Variants in POLR2G observed in about 807,000 individuals in gnomAD.
POLR2G encodes the protein RNA polymerase II subunit G.
POLR2G carries 19 observed loss-of-function variants against 25.7 expected under a neutral mutation model. The ratio of observed to expected loss-of-function variants is 0.74; its 90% CI spans 0.52 to 1.08. The LOEUF (loss-of-function observed/expected upper bound fraction) is 1.08, where lower values mean the gene tolerates loss of function less well. Among genes scored for constraint, POLR2G ranks in the 50% least tolerant of loss-of-function variants. The probability of loss-of-function intolerance (pLI) is 0.00; values close to 1 mark genes in which losing one functional copy is unlikely to be tolerated. For synonymous variants in POLR2G, 79 were observed against 76.0 expected (o/e 1.04, Z -0.21); for missense variants, 123 against 218.5 (o/e 0.56, Z 2.76).
intron 3 of POLR2G, 116 bp downstream of exon 3, chr11:62,763,142 T>C (rs2084097343): frequency 3.2e-6 from 2 of 629,630 alleles, no homozygotes; most frequent in Non-Finnish European, 5.0e-6. Flanking sequence ...TTTTTTTTTT[T>C]TTTTTTTTTT....
At chr11:62,765,125 G>T in intron 3 of POLR2G, 57 bp from the exon 4 acceptor site, 1 of 1,506,728 alleles carries the variant, frequency 6.6e-7, no homozygotes, top group Non-Finnish European at 9.2e-7. Context: ...CCAAAGTGCT[G>T]GGATTACAGG....
At position 62,765,724 on chromosome 11, in the gene POLR2G, T is replaced by C. The variant is rs768038153; in HGVS notation, c.471T>C (p.Ile157=). ...GGACCCGTGTGGACAAGAATGACAT[T>C]GTGAGTCTTTTCCCCACCTCTCTAC... ...IVGTRVDKND[I]FAIGSLMDDY... The change falls in exon 6 of 8, where the codon ATT becomes ATC. Residue 157 remains isoleucine, a splice_region_variant and synonymous_variant. Coordinates refer to ENST00000301788, the MANE Select transcript of POLR2G (RefSeq NM_002696.3). 2.5e-6 allele frequency: 4 copies of C among 1,580,934 alleles called. No individual in the cohort carries two copies. Among genetic ancestry groups the C allele is most frequent in the South Asian group, 2.2e-5 (2 of 90,410 alleles).
At chr11:62,764,336 G>A (rs562021134) in intron 3 of POLR2G, among the ~76,000 whole-genome samples, 3 of 151,992 alleles carry the variant, frequency 2.0e-5, no homozygotes, top group East Asian at 3.9e-4. Flanking sequence ...TGGCATGTGC[G>A]TGTAGTCCCT....
Position 62,761,785 on chromosome 11 carries a change from T to C in POLR2G, c.13-10T>C, listed in dbSNP as rs2084090193. 3 of 1,613,456 alleles carry C rather than the reference T, an allele frequency of 1.9e-6. No individual in the cohort carries two copies. The highest frequency in any genetic ancestry group is 2.5e-6 in the Non-Finnish European group (3 of 1,179,542). Reference sequence around the variant, plus strand: ...GCCTGGCCTGGTCGCCATCCCACTTTTCTCCGCAGATCTCCCTAGAGCACG... The same window carrying C: ...GCCTGGCCTGGTCGCCATCCCACTTCTCTCCGCAGATCTCCCTAGAGCACG... On this transcript the variant is annotated splice_polypyrimidine_tract_variant and intron_variant, in intron 1 of 7. Transcript: ENST00000301788.
intron 6 of POLR2G, 41 bp downstream of exon 6, chr11:62,765,765 C>G (rs2084112571): frequency 6.1e-6 from 7 of 1,150,050 alleles, no homozygotes; most frequent in South Asian, 1.3e-5. Context: ...CCAGGTTGAG[C>G]TGAGAACTGT....
At chr11:62,765,822 C>A in intron 6 of POLR2G, 98 bp downstream of exon 6, 3 of 753,926 alleles carry the variant, frequency 4.0e-6, no homozygotes, top group Admixed American at 2.3e-5. Context: ...GAGTCTTGCT[C>A]TGTCACCCAG....
intron 5 of POLR2G, 78 bp from the exon 6 acceptor site, chr11:62,765,575 G>A (rs544601091): frequency 1.6e-5 from 18 of 1,148,956 alleles, no homozygotes; most frequent in African/African-American, 9.1e-5. Flanking sequence ...ATATGCCCCC[G>A]GGCTTACAGT....
intron 2 of POLR2G, 76 bp downstream of exon 2, chr11:62,761,980 CT>C (rs1169724437): frequency 1.9e-6 from 2 of 1,061,188 alleles, no homozygotes; most frequent in Non-Finnish European, 2.9e-6. Flanking sequence ...CCCTCCCCAA[CT>C]CCTACTCGTC....
Position 62,766,556 on chromosome 11 carries a change from ACAC to A in POLR2G, c.*50_*52del. On this transcript the variant is annotated 3_prime_UTR_variant, in exon 8 of 8. Transcript: ENST00000301788. The stretch of plus-strand genomic sequence containing the variant: ...TCCTACTCTAGGAAGTGTGATTGTC[ACAC>A]TTATCATGTTGTCCAGAGGTCCAGT... 1 of 1,580,302 alleles carries A rather than the reference ACAC, an allele frequency of 6.3e-7. No homozygotes were observed. The highest frequency in any genetic ancestry group is 1.1e-5 in the South Asian group (1 of 90,336).
At position 62,763,038 on chromosome 11, in the gene POLR2G, C is replaced by T. The variant is rs2084096453; in HGVS notation, c.282+12C>T. 2 of 1,563,764 alleles carry T rather than the reference C, an allele frequency of 1.3e-6. No homozygotes were observed. Among genetic ancestry groups the T allele is most frequent in the South Asian group, 2.3e-5 (2 of 86,754 alleles). On this transcript the variant is annotated intron_variant, in intron 3 of 7. Coordinates refer to ENST00000301788, the MANE Select transcript of POLR2G (RefSeq NM_002696.3). ...CTCAGGTCAACAAGGTGAGACCATA[C>T]ATAGGGGAGGCAGTGGGGTAGTCTC...
rs1288002094 is a variant in POLR2G at position 62,766,563 on chromosome 11, T to C, written c.*56T>C. ...CTAGGAAGTGTGATTGTCACACTTA[T>C]CATGTTGTCCAGAGGTCCAGTCTGG... is the stretch of plus-strand genomic sequence containing the variant. On this transcript the variant is annotated 3_prime_UTR_variant, in exon 8 of 8. Coordinates refer to ENST00000301788, the MANE Select transcript of POLR2G (RefSeq NM_002696.3). The C allele has an allele frequency of 1.5e-5, 23 of 1,552,958 alleles. No individual in the cohort carries two copies. Among genetic ancestry groups the C allele is most frequent in the African/African-American group, 2.7e-5 (2 of 73,786 alleles).
chr11:62,764,886 G>C (rs1021520200), intron 3 of POLR2G, among the ~76,000 whole-genome samples: 1 of 151,586 alleles, frequency 6.6e-6, no homozygotes, highest in Admixed American at 6.6e-5. Context: ...TTGAGACAGA[G>C]TCTTGCTCTG....
rs770581384 is a variant in POLR2G at position 62,766,506 on chromosome 11, G to C, written c.518G>C (p.Ter173SerextTer47). The C allele has an allele frequency of 3.1e-6, 5 of 1,613,652 alleles. No homozygotes were observed. Among genetic ancestry groups the C allele is most frequent in the Non-Finnish European group, 1.7e-6 (2 of 1,179,808 alleles). ...TCTGGTTTCGCAGGGCTTGTAAGCT[G>C]AGCCTGGTGGCCTCCTACCCTTGGT... The part of the protein sequence containing the change: ...LMDDYLGLVS[*>S] The change falls in exon 8 of 8, where the codon TGA becomes TCA. Residue 173 changes from the stop codon to serine, a stop_lost. Coordinates refer to ENST00000301788, the MANE Select transcript of POLR2G (RefSeq NM_002696.3).
Position 62,762,066 on chromosome 11 carries a change from C to T in POLR2G, c.122+162C>T, listed in dbSNP as rs75969494. On this transcript the variant is annotated intron_variant, in intron 2 of 7. Transcript: ENST00000301788. ...TCCTGCTTTGGGTTCCCAGGGCGCC[C>T]TCTGCAATGCTGGACAATAAGACTT... 6.9e-3 allele frequency: 4,170 copies of T among 607,698 alleles called. 127 individuals carry two copies. Among genetic ancestry groups the T allele is most frequent in the African/African-American group, 0.068 (3,670 of 54,206 alleles). 37.6% of individuals were successfully genotyped at this position (607,698 alleles called of 1,614,324 possible).
chr11:62,762,705 C>T (rs981173086), intron 2 of POLR2G, 162 bp from the exon 3 acceptor site: 6 of 638,562 alleles, frequency 9.4e-6, no homozygotes, highest in Admixed American at 6.8e-5. Flanking sequence ...GATCTCTGTT[C>T]TGTCTTCTTT....
intron 2 of POLR2G, 68 bp from the exon 3 acceptor site, chr11:62,762,799 T>G: frequency 7.3e-7 from 1 of 1,360,992 alleles, no homozygotes; most frequent in Non-Finnish European, 1.0e-6. Context: ...GCTCAGCGAC[T>G]TTTATTGCAG....
At chr11:62,765,257 G>A in intron 4 of POLR2G, 25 bp downstream of exon 4, 1 of 1,612,964 alleles carries the variant, frequency 6.2e-7, no homozygotes, top group Non-Finnish European at 8.5e-7. Flanking sequence ...ACTGGGTGGG[G>A]CTGAGGAAGA....
intron 6 of POLR2G, among the ~76,000 whole-genome samples, chr11:62,765,989 A>G (rs936304549): frequency 5.3e-5 from 8 of 151,856 alleles, no homozygotes; most frequent in Non-Finnish European, 8.8e-5. Flanking sequence ...GGGTTTCACC[A>G]TGTTAGCCAG....
At chr11:62,763,061 C>T (rs1022831861) in intron 3 of POLR2G, 35 bp downstream of exon 3, 19 of 1,479,872 alleles carry the variant, frequency 1.3e-5, no homozygotes, top group Non-Finnish European at 1.7e-5. Flanking sequence ...GTGGGGTAGT[C>T]TCTCGGAAGA....
Sources: gnomAD v4.1 joint callset for allele counts (sites outside exome capture counted in the v4.1 genomes callset) on GRCh38, gnomAD v4.1.1 for gene constraint, MANE v1.5 for transcripts, NCBI Gene and HGNC (gene_info 2026-07-23, HGNC 2026-07-21) for gene names.